LRRC55: variants seen among roughly 807,000 people sequenced by gnomAD.
LRRC55 encodes the protein leucine-rich repeat-containing protein 55.
LRRC55 carries 11 observed loss-of-function variants against 20.5 expected under a neutral mutation model. The ratio of observed to expected loss-of-function variants is 0.54; its 90% CI spans 0.34 to 0.89. The LOEUF is 0.89. Among genes scored for constraint, LRRC55 ranks in the 40% least tolerant of loss-of-function variants. The pLI, the probability that LRRC55 is intolerant of heterozygous loss-of-function variation, is 0.02. For synonymous variants in LRRC55, 188 were observed against 166.6 expected, an observed-to-expected ratio of 1.13 and a Z score of -0.99; for missense variants, 358 against 390.9, an observed-to-expected ratio of 0.92 and a Z score of 0.71.
chr11:57,184,584 C>G (rs924916887), intron 1 of LRRC55, among the ~76,000 whole-genome samples: 1 of 152,232 alleles, frequency 6.6e-6, no homozygotes. Flanking sequence ...AAAACCTTGC[C>G]AGTGGAGGCA....
chr11:57,185,596 T>A lies in LRRC55; in HGVS notation c.662-1649T>A, dbSNP rs1219357197. ...CACTGTGTCTGGCTGGGTTATCCCC[T>A]TCTTATAGAGGCCCCTTATTATACA... On this transcript the variant is annotated intron_variant, in intron 1 of 1. Coordinates refer to ENST00000497933, the MANE Select transcript of LRRC55 (RefSeq NM_001005210.4). Among the ~76,000 whole-genome samples, 4 of 152,214 alleles carry A rather than the reference T, an allele frequency of 2.6e-5. No individual in the cohort carries two copies. In the East Asian group the frequency reaches 7.7e-4, roughly 29 times the overall value.
chr11:57,186,074 GA>G (rs2135335156), intron 1 of LRRC55, among the ~76,000 whole-genome samples: 1 of 152,134 alleles, frequency 6.6e-6, no homozygotes, highest in South Asian at 2.1e-4. Context: ...ACAACCCTGA[GA>G]AGTAGATACT....
In LRRC55 at chr11:57,186,334, G is replaced by C. The variant is rs993856384; in HGVS notation, c.662-911G>C. Reference sequence around the variant, plus strand: ...AAAGATTCGTCAAGCACTTACTATGGACAAGACACTGTTCTCATGCTAAAG... The same window carrying C: ...AAAGATTCGTCAAGCACTTACTATGCACAAGACACTGTTCTCATGCTAAAG... On this transcript the variant is annotated intron_variant, in intron 1 of 1. Transcript: ENST00000497933. Among the ~76,000 whole-genome samples the C allele has an allele frequency of 2.6e-5, 4 of 152,280 alleles. No individual in the cohort carries two copies. The South Asian group carries it at 8.3e-4, about 32-fold the overall frequency.
At chr11:57,186,702 G>C (rs1369052986) in intron 1 of LRRC55, among the ~76,000 whole-genome samples, 1 of 152,234 alleles carries the variant, frequency 6.6e-6, no homozygotes, top group African/African-American at 2.4e-5. Flanking sequence ...TGTGTGGCTA[G>C]AGCAGGGTAA....
At chr11:57,182,800 G>GA in intron 1 of LRRC55, 117 bp downstream of exon 1, 2 of 1,100,302 alleles carry the variant, frequency 1.8e-6, no homozygotes, top group Admixed American at 3.2e-5. Context: ...ATTTTCTAAT[G>GA]TGGGCTTGCC....
At chr11:57,186,303 T>C (rs1590777924) in intron 1 of LRRC55, among the ~76,000 whole-genome samples, 2 of 152,212 alleles carry the variant, frequency 1.3e-5, no homozygotes, top group African/African-American at 2.4e-5. Flanking sequence ...CTTATATTCA[T>C]GTTGTAAAGA....
At chr11:57,182,879 C>T (rs962617415) in intron 1 of LRRC55, among the ~76,000 whole-genome samples, 196 bp downstream of exon 1, 1 of 152,184 alleles carries the variant, frequency 6.6e-6, no homozygotes, top group Non-Finnish European at 1.5e-5. Flanking sequence ...GCACCGAGGG[C>T]CCATTCATTC....
In LRRC55 at chr11:57,181,953, A is replaced by G; in HGVS notation, c.-70A>G. 5 of 1,613,700 alleles carry G rather than the reference A, an allele frequency of 3.1e-6. No individual in the cohort carries two copies. The highest frequency in any genetic ancestry group is 4.2e-6 in the Non-Finnish European group (5 of 1,179,852). ...CCAGATGTAGCTGCCTTCCTGTGTCACAGACTCTCGATTCCATGGACACAG... is the reference window on the plus strand; with the variant it reads ...CCAGATGTAGCTGCCTTCCTGTGTCGCAGACTCTCGATTCCATGGACACAG... On this transcript the variant is annotated 5_prime_UTR_variant, in exon 1 of 2. Coordinates refer to ENST00000497933, the MANE Select transcript of LRRC55 (RefSeq NM_001005210.4).
intron 1 of LRRC55, 139 bp downstream of exon 1, chr11:57,182,822 C>T (rs1209618877): frequency 2.4e-6 from 2 of 842,374 alleles, no homozygotes; most frequent in East Asian, 2.9e-5. Context: ...CTTTGTACAC[C>T]AGCTCGGCCA....
chr11:57,182,478 G>A lies in LRRC55; in HGVS notation c.456G>A (p.Arg152=), dbSNP rs1211619912. 6.2e-7 allele frequency: 1 copy of A among 1,609,834 alleles called. No individual in the cohort carries two copies. The highest frequency in any genetic ancestry group is 8.5e-7 in the Non-Finnish European group (1 of 1,178,642). ...TGAGCCACAACCCCTGGCTGCGGAG[G>A]GTGCATCCCCAGGCCTTTCAGGGCC... ...IDLSHNPWLR[R]VHPQAFQGLM... Residue 152 remains arginine (R), a synonymous_variant, in exon 1 of 2, where the codon AGG becomes AGA. Coordinates refer to ENST00000497933, the MANE Select transcript of LRRC55 (RefSeq NM_001005210.4).
At chr11:57,184,224 G>C (rs578091269) in intron 1 of LRRC55, among the ~76,000 whole-genome samples, 201 of 152,086 alleles carry the variant, frequency 1.3e-3, no homozygotes, top group African/African-American at 4.6e-3. Context: ...GCTCAAACTT[G>C]GCAGGCGCGC....
Position 57,182,287 on chromosome 11 carries a change from A to G in LRRC55, c.265A>G (p.Met89Val), listed in dbSNP as rs765183262. The G allele has an allele frequency of 3.1e-6, 5 of 1,614,122 alleles. No homozygotes were observed. Among genetic ancestry groups the G allele is most frequent in the Admixed American group, 3.3e-5 (2 of 60,022 alleles). Residue 89 changes from methionine (M) to valine (V), a missense_variant, in exon 1 of 2, where the codon ATG (methionine) becomes GTG (valine). Around this residue, in one of 3 missense-constraint regions of LRRC55, gnomAD observed 175 missense variants for 164.5 expected, o/e 1.06. Transcript: ENST00000497933. Reference protein sequence around the residue: ...AVPPGYLTCYMELQVLDLHNN... With the variant: ...AVPPGYLTCYVELQVLDLHNN... ...GCCGCCTGGCTACCTCACATGCTAC[A>G]TGGAGCTCCAGGTGCTGGATTTGCA...
Position 57,182,302 on chromosome 11 carries a change from C to T in LRRC55, c.280C>T (p.Leu94=). The change falls in exon 1 of 2, where the codon CTG becomes TTG. Residue 94 remains leucine (L), a synonymous_variant. Transcript: ENST00000497933. ...CACATGCTACATGGAGCTCCAGGTGCTGGATTTGCACAACAACTCCTTAAT... is the reference window on the plus strand; with the variant it reads ...CACATGCTACATGGAGCTCCAGGTGTTGGATTTGCACAACAACTCCTTAAT... The part of the protein sequence containing the change: ...YLTCYMELQV[L]DLHNNSLMEL... 6.2e-7 allele frequency: 1 copy of T among 1,614,160 alleles called. No individual in the cohort carries two copies. The highest frequency in any genetic ancestry group is 8.5e-7 in the Non-Finnish European group (1 of 1,180,004).
At chr11:57,185,404 C>T (rs1356197864) in intron 1 of LRRC55, among the ~76,000 whole-genome samples, 1 of 151,028 alleles carries the variant, frequency 6.6e-6, no homozygotes, top group Non-Finnish European at 1.5e-5. Flanking sequence ...CCTCAGCCTC[C>T]CGAGTAGCTG....
chr11:57,184,364 G>A (rs996726857), intron 1 of LRRC55, among the ~76,000 whole-genome samples: 1 of 152,178 alleles, frequency 6.6e-6, no homozygotes, highest in South Asian at 2.1e-4. Flanking sequence ...GACTCCCAGC[G>A]AGCAGGAGAG....
Position 57,182,090 on chromosome 11 carries a change from T to A in LRRC55, c.68T>A (p.Leu23His). 1 of 1,614,066 alleles carries A rather than the reference T, an allele frequency of 6.2e-7. No individual in the cohort carries two copies. Among genetic ancestry groups the A allele is most frequent in the Non-Finnish European group, 8.5e-7 (1 of 1,180,000 alleles). ...PPHPAMLLIS[L>H]LLAAGLMHSD... ...CACCCAGCAATGCTGCTGATCTCCC[T>A]CCTCTTGGCAGCCGGGTTGATGCAC... The change falls in exon 1 of 2, where the codon CTC (leucine) becomes CAC (histidine). Residue 23 changes from leucine to histidine, a missense_variant. Physicochemically the swap from Leu to His is moderately conservative, Grantham distance 99. This residue lies in a region of LRRC55 where 175 missense variants were observed against 164.5 expected (regional missense o/e 1.06). Coordinates refer to ENST00000497933, the MANE Select transcript of LRRC55 (RefSeq NM_001005210.4).
chr11:57,184,519 C>T (rs1289195164), intron 1 of LRRC55, among the ~76,000 whole-genome samples: 1 of 152,218 alleles, frequency 6.6e-6, no homozygotes, highest in Non-Finnish European at 1.5e-5. Flanking sequence ...CCTGTTCCTC[C>T]ACAGAACACA....
At chr11:57,184,841 G>T (rs1298819799) in intron 1 of LRRC55, among the ~76,000 whole-genome samples, 1 of 152,172 alleles carries the variant, frequency 6.6e-6, no homozygotes, top group South Asian at 2.1e-4. Context: ...TCCTCTGGCT[G>T]GTCCATATGA....
rs1854482026 is a variant in LRRC55 at position 57,189,696 on chromosome 11, T to G, written c.*2216T>G. 6.6e-6 allele frequency: 1 copy of G among 152,240 alleles called. No individual in the cohort carries two copies. The highest frequency in any genetic ancestry group is 1.5e-5 in the Non-Finnish European group (1 of 68,086). The allele number at this position is 152,240 out of a possible 1,614,324, so 9.4% of individuals were successfully genotyped here. A position where few individuals can be genotyped will look rare whatever the true frequency, so the allele number is the denominator to read the frequency against. The stretch of plus-strand genomic sequence containing the variant: ...AAGAACATCAAGGCACAGTCCAACA[T>G]GCTGATAAGTCTGGCCAGGAGGAGA... On this transcript the variant is annotated 3_prime_UTR_variant, in exon 2 of 2. Coordinates refer to ENST00000497933, the MANE Select transcript of LRRC55 (RefSeq NM_001005210.4).
Sources: gnomAD v4.1 joint callset for allele counts (sites outside exome capture counted in the v4.1 genomes callset) on GRCh38, gnomAD v4.1.1 for gene constraint, gnomAD v4.1.1 regional missense constraint, MANE v1.5 for transcripts, NCBI Gene and HGNC (gene_info 2026-07-23, HGNC 2026-07-21) for gene names.